The following CTNNA3 variants were observed in gnomAD, a reference collection of about 807,000 sequenced individuals.
CTNNA3 encodes catenin alpha-3.
CTNNA3 carries 76 observed loss-of-function variants against 95.7 expected under a neutral mutation model. The observed-to-expected ratio is 0.79, with a 90% CI of 0.66 to 0.96. The LOEUF is 0.96. Among genes scored for constraint, CTNNA3 ranks in the 40% least tolerant of loss-of-function variants. The pLI, the probability that CTNNA3 is intolerant of heterozygous loss-of-function variation, is 0.00. For missense variants in CTNNA3, 1,191 were observed against 1,089.8 expected (o/e 1.09, Z -1.31); for synonymous variants, 431 against 374.4 (o/e 1.15, Z -1.74).
At chr10:67,759,315 A>G (rs1453934116) in intron 1 of CTNNA3, among the ~76,000 whole-genome samples, 2 of 152,208 alleles carry the variant, frequency 1.3e-5, no homozygotes, top group African/African-American at 4.8e-5. Flanking sequence ...TCTCCAATTC[A>G]TATAAAATTA....
intron 7 of CTNNA3, among the ~76,000 whole-genome samples, chr10:66,936,202 G>A (rs1224584406): frequency 6.6e-6 from 1 of 151,990 alleles, no homozygotes. Context: ...ACAGATGTGT[G>A]GAGTCTTTAT....
chr10:67,162,786 AT>A (rs1861606498), intron 7 of CTNNA3, among the ~76,000 whole-genome samples: 2 of 151,882 alleles, frequency 1.3e-5, no homozygotes, highest in Non-Finnish European at 2.9e-5. Context: ...GAAGATACAA[AT>A]TTTTAAGACC....
At chr10:67,599,640 TTTAAA>T (rs1843021461) in intron 3 of CTNNA3, among the ~76,000 whole-genome samples, 1 of 152,182 alleles carries the variant, frequency 6.6e-6, no homozygotes, top group Non-Finnish European at 1.5e-5. Context: ...TTGTGATATA[TTTAAA>T]TTAAATGTTA....
chr10:67,138,157 G>A (rs753219633), intron 7 of CTNNA3, among the ~76,000 whole-genome samples: 1 of 151,824 alleles, frequency 6.6e-6, no homozygotes, highest in African/African-American at 2.4e-5. Flanking sequence ...GGGTGTGAGT[G>A]TGTGTGTGTG....
At chr10:66,593,349 T>C (rs61311885) in intron 10 of CTNNA3, among the ~76,000 whole-genome samples, 43,163 of 152,018 alleles carry the variant, frequency 0.28, 6,552 homozygotes, top group Middle Eastern at 0.43. Flanking sequence ...AAAGTGCACA[T>C]TCTGCTCCCC....
At chr10:66,001,753 G>C (rs987427326) in intron 15 of CTNNA3, among the ~76,000 whole-genome samples, 1 of 151,446 alleles carries the variant, frequency 6.6e-6, no homozygotes, top group African/African-American at 2.4e-5. Context: ...ATTTTTTACT[G>C]TTCTTAAGGT....
At chr10:67,743,365 G>T (rs1480290319) in intron 1 of CTNNA3, among the ~76,000 whole-genome samples, 3 of 151,194 alleles carry the variant, frequency 2.0e-5, no homozygotes, top group Non-Finnish European at 4.4e-5. Context: ...ATCAATAAAT[G>T]TAATCCAGCA....
rs1554895949 is a variant in CTNNA3 at position 67,005,687 on chromosome 10, T to TTTTTTTTTGTTTTG, written c.1047+174629_1047+174630insCAAAACAAAAAAAA. 1.9e-3 allele frequency among the ~76,000 whole-genome samples: 195 copies of TTTTTTTTTGTTTTG among 102,314 alleles called. 4 individuals carry two copies. The highest frequency in any genetic ancestry group is 5.5e-3 in the African/African-American group (180 of 32,440). 67.1% of individuals were successfully genotyped at this position (102,314 alleles called of 152,430 possible). The stretch of plus-strand genomic sequence containing the variant: ...TTTTGTTTATTTTACTCCATCTTTT[T>TTTTTTTTTGTTTTG]TTTTTTTTTTTTTTTTGAGACGGAG... On this transcript the variant is annotated intron_variant, in intron 7 of 17. Coordinates refer to ENST00000433211, the MANE Select transcript of CTNNA3 (RefSeq NM_013266.4).
At chr10:66,258,422 A>C (rs1001253429) in intron 13 of CTNNA3, among the ~76,000 whole-genome samples, 2 of 152,168 alleles carry the variant, frequency 1.3e-5, no homozygotes, top group South Asian at 4.1e-4. Flanking sequence ...GTTTTACAGA[A>C]TATGTATTCC....
intron 12 of CTNNA3, among the ~76,000 whole-genome samples, chr10:66,357,359 G>T (rs2092618978): frequency 1.3e-5 from 2 of 151,860 alleles, no homozygotes; most frequent in Admixed American, 1.3e-4. Context: ...TACATACCAT[G>T]CGAGTCACCC....
At chr10:67,107,943 C>T (rs1026925787) in intron 7 of CTNNA3, among the ~76,000 whole-genome samples, 3 of 152,200 alleles carry the variant, frequency 2.0e-5, no homozygotes, top group African/African-American at 7.2e-5. Context: ...GTCCCTGTTT[C>T]CCCCTTTTCT....
At chr10:66,692,793 G>A (rs1330097770) in intron 9 of CTNNA3, among the ~76,000 whole-genome samples, 1 of 152,180 alleles carries the variant, frequency 6.6e-6, no homozygotes, top group Non-Finnish European at 1.5e-5. Context: ...CCAGAAGAGA[G>A]TGGGGGCCAA....
intron 7 of CTNNA3, among the ~76,000 whole-genome samples, chr10:66,937,898 T>TC (rs988152037): frequency 1.9e-4 from 29 of 151,844 alleles, no homozygotes; most frequent in African/African-American, 6.5e-4. Flanking sequence ...CTGTTTTTTT[T>TC]CCCCCTCTCC....
intron 13 of CTNNA3, among the ~76,000 whole-genome samples, chr10:66,269,375 C>T (rs1045872533): frequency 5.9e-5 from 9 of 152,044 alleles, no homozygotes; most frequent in African/African-American, 9.7e-5. Context: ...AAATGGGAGT[C>T]GTGAATTTAA....
chr10:66,752,213 T>A (rs1440330227), intron 9 of CTNNA3, among the ~76,000 whole-genome samples: 2 of 152,096 alleles, frequency 1.3e-5, no homozygotes, highest in Non-Finnish European at 2.9e-5. Context: ...AAGTTACAGT[T>A]TTAAAGACAA....
At chr10:67,476,235 C>T (rs965629962) in intron 5 of CTNNA3, among the ~76,000 whole-genome samples, 11 of 152,094 alleles carry the variant, frequency 7.2e-5, no homozygotes, top group Non-Finnish European at 1.5e-4. Flanking sequence ...CGTGGTACAG[C>T]GCAGAAACCG....
intron 7 of CTNNA3, among the ~76,000 whole-genome samples, chr10:67,130,656 G>A (rs1263475989): frequency 6.6e-6 from 1 of 152,146 alleles, no homozygotes; most frequent in East Asian, 1.9e-4. Flanking sequence ...TATGTTGGAA[G>A]CCTTTCTAAA....
intron 9 of CTNNA3, among the ~76,000 whole-genome samples, chr10:66,765,299 G>A (rs570334130): frequency 1.1e-4 from 16 of 152,278 alleles, no homozygotes; most frequent in African/African-American, 3.4e-4. Flanking sequence ...CTGATTATTA[G>A]ACAGACTATT....
intron 3 of CTNNA3, among the ~76,000 whole-genome samples, chr10:67,595,548 A>G (rs751816482): frequency 2.6e-5 from 4 of 152,140 alleles, no homozygotes; most frequent in African/African-American, 4.8e-5. Flanking sequence ...ATTGCTTTAT[A>G]GCTGAGCATT....
Sources: gnomAD v4.1 joint callset for allele counts (sites outside exome capture counted in the v4.1 genomes callset) on GRCh38, gnomAD v4.1.1 for gene constraint, MANE v1.5 for transcripts, NCBI Gene and HGNC (gene_info 2026-07-23, HGNC 2026-07-21) for gene names.